The following ADAMTS12 variants were observed in gnomAD, a reference collection of about 807,000 sequenced individuals.
ADAMTS12 encodes the protein A disintegrin and metalloproteinase with thrombospondin motifs 12.
Under a neutral mutation model 167.8 loss-of-function variants are expected in ADAMTS12, and 118 were observed. That is an observed-to-expected ratio of 0.70 (90% confidence interval 0.61 to 0.82). The LOEUF is 0.82. Among genes scored for constraint, ADAMTS12 ranks in the 40% least tolerant of loss-of-function variants. ADAMTS12 has a pLI of 0.00. For synonymous variants in ADAMTS12, 704 were observed against 716.9 expected (o/e 0.98, Z 0.29); for missense variants, 1,916 against 1,998.8 (o/e 0.96, Z 0.79).
intron 23 of ADAMTS12, among the ~76,000 whole-genome samples, chr5:33,532,392 T>C (rs142689957): frequency 0.014 from 2,169 of 152,230 alleles, 35 homozygotes; most frequent in Non-Finnish European, 0.021. Context: ...ATCCTATTCA[T>C]CTGGCAGAAT....
intron 2 of ADAMTS12, among the ~76,000 whole-genome samples, chr5:33,858,571 T>C (rs905547318): frequency 2.0e-5 from 3 of 151,266 alleles, no homozygotes; most frequent in Non-Finnish European, 4.4e-5. Flanking sequence ...GGTGGGAGGA[T>C]TGCTTGATCC....
At chr5:33,749,379 T>C (rs1346280144) in intron 3 of ADAMTS12, among the ~76,000 whole-genome samples, 1 of 152,150 alleles carries the variant, frequency 6.6e-6, no homozygotes. Context: ...CTTTTGACAA[T>C]TCTTTCCCTT....
Position 33,751,465 on chromosome 5 carries a change from C to G in ADAMTS12, c.573G>C (p.Pro191=). The G allele has an allele frequency of 6.2e-7, 1 of 1,614,070 alleles. No homozygotes were observed. The change falls in exon 3 of 24, where the codon CCG becomes CCC. Residue 191 remains proline, a synonymous_variant. Transcript: ENST00000504830. ...CTTTCTGCCTCCTGTAAACGATGTG[C>G]GGGTGGTACCCTCCCTCAACCAGTG... The part of the protein sequence containing the change: ...KHPLVEGGYH[P]HIVYRRQKVP...
At chr5:33,678,691 T>C (rs1331896949) in intron 5 of ADAMTS12, among the ~76,000 whole-genome samples, 1 of 151,900 alleles carries the variant, frequency 6.6e-6, no homozygotes, top group Non-Finnish European at 1.5e-5. Context: ...TAGCGAGAGA[T>C]GAGAAAGGGA....
intron 12 of ADAMTS12, among the ~76,000 whole-genome samples, chr5:33,632,815 G>A (rs886219215): frequency 9.2e-5 from 14 of 152,130 alleles, no homozygotes; most frequent in Non-Finnish European, 4.4e-5. Flanking sequence ...AATAGAAAGC[G>A]GCCCTGAATA....
In ADAMTS12 at chr5:33,626,138, C is replaced by T. The variant is rs186028484; in HGVS notation, c.2023-1787G>A. 1.5e-3 allele frequency among the ~76,000 whole-genome samples: 232 copies of T among 152,240 alleles called. 2 individuals carry two copies. Among genetic ancestry groups the T allele is most frequent in the Admixed American group, 3.5e-3 (54 of 15,286 alleles). On this transcript the variant is annotated intron_variant, in intron 13 of 23. Coordinates refer to ENST00000504830, the MANE Select transcript of ADAMTS12 (RefSeq NM_030955.4). ...AAAATCACTTTGATTTCCCATCTTA[C>T]CATCAATTACAATGGTGGTGGGAAC...
intron 9 of ADAMTS12, among the ~76,000 whole-genome samples, chr5:33,644,994 T>A (rs1434209000): frequency 6.6e-6 from 1 of 152,126 alleles, no homozygotes; most frequent in Non-Finnish European, 1.5e-5. Flanking sequence ...CCTCCCAAAG[T>A]GCTGGGATTA....
chr5:33,775,169 A>G (rs1345264531), intron 2 of ADAMTS12, among the ~76,000 whole-genome samples: 1 of 152,220 alleles, frequency 6.6e-6, no homozygotes, highest in Non-Finnish European at 1.5e-5. Context: ...TGCTTGGCAC[A>G]AACTGACATC....
rs1740778414 is a variant in ADAMTS12, at chr5:33,648,929, T to C, written c.1372A>G (p.Lys458Glu). ...ATGACCTTGGACTTCAAGCCTTTCT[T>C]TTTAGGTATGTCATCAAGACAGAAC... is the stretch of plus-strand genomic sequence containing the variant. ...WGFCLDDIPK[K>E]KGLKSKVIAP... is the part of the protein sequence containing the mutation. Residue 458 changes from lysine to glutamate, a missense_variant, in exon 9 of 24, where the codon AAG becomes GAG. By Grantham distance (56) the Lys-to-Glu change is moderately conservative. Transcript: ENST00000504830. The C allele has an allele frequency of 6.2e-7, 1 of 1,614,064 alleles. No individual in the cohort carries two copies. The highest frequency in any genetic ancestry group is 1.7e-5 in the Admixed American group (1 of 60,020).
intron 5 of ADAMTS12, among the ~76,000 whole-genome samples, chr5:33,670,834 G>A (rs970282283): frequency 1.3e-5 from 2 of 152,116 alleles, no homozygotes; most frequent in Non-Finnish European, 2.9e-5. Context: ...CCAGAGAAAC[G>A]AGGACTTATG....
chr5:33,883,866 A>G (rs1157488775), intron 1 of ADAMTS12, among the ~76,000 whole-genome samples: 2 of 152,164 alleles, frequency 1.3e-5, no homozygotes, highest in Admixed American at 1.3e-4. Flanking sequence ...GTCTGCTCCA[A>G]TCTGTATTGG....
chr5:33,854,739 T>C (rs1290196382), intron 2 of ADAMTS12, among the ~76,000 whole-genome samples: 1 of 152,076 alleles, frequency 6.6e-6, no homozygotes, highest in Non-Finnish European at 1.5e-5. Context: ...CCATTCCTAT[T>C]TATGAGGCTG....
At chr5:33,735,262 A>G (rs1006964445) in intron 3 of ADAMTS12, among the ~76,000 whole-genome samples, 6 of 152,214 alleles carry the variant, frequency 3.9e-5, no homozygotes, top group African/African-American at 1.4e-4. Flanking sequence ...TTTCGATTCA[A>G]TAAAGCTAGG....
chr5:33,829,027 C>T (rs770150544), intron 2 of ADAMTS12, among the ~76,000 whole-genome samples: 19 of 152,126 alleles, frequency 1.2e-4, no homozygotes, highest in South Asian at 4.1e-4. Context: ...ACACTAGCAA[C>T]GGGCATACAC....
intron 3 of ADAMTS12, among the ~76,000 whole-genome samples, chr5:33,714,521 C>CG (rs771017831): frequency 2.0e-5 from 3 of 152,000 alleles, no homozygotes; most frequent in Non-Finnish European, 2.9e-5. Flanking sequence ...CAGCACTATT[C>CG]ATAAGAGCCA....
intron 16 of ADAMTS12, among the ~76,000 whole-genome samples, chr5:33,604,977 AG>A (rs1484778620): frequency 6.6e-6 from 1 of 152,258 alleles, no homozygotes; most frequent in Non-Finnish European, 1.5e-5. Flanking sequence ...TAAATTTGAT[AG>A]GGCACTCTGA....
intron 13 of ADAMTS12, 101 bp downstream of exon 13, chr5:33,630,679 G>A: frequency 1.6e-6 from 2 of 1,264,616 alleles, no homozygotes; most frequent in Non-Finnish European, 2.2e-6. Flanking sequence ...AACAGATGAG[G>A]TGTAAATGCT....
At chr5:33,565,557 G>A (rs1365206700) in intron 19 of ADAMTS12, among the ~76,000 whole-genome samples, 3 of 152,098 alleles carry the variant, frequency 2.0e-5, no homozygotes, top group African/African-American at 7.2e-5. Context: ...TTCTATTCTA[G>A]TAATAGTCCT....
chr5:33,866,647 G>A (rs1465492685), intron 2 of ADAMTS12, among the ~76,000 whole-genome samples: 3 of 151,974 alleles, frequency 2.0e-5, no homozygotes, highest in African/African-American at 7.2e-5. Flanking sequence ...ATAATCATCA[G>A]AGTGAATAGA....
Sources: gnomAD v4.1 joint callset for allele counts (sites outside exome capture counted in the v4.1 genomes callset) on GRCh38, gnomAD v4.1.1 for gene constraint, MANE v1.5 for transcripts, NCBI Gene and HGNC (gene_info 2026-07-23, HGNC 2026-07-21) for gene names.